SLC28A3: variants seen among roughly 807,000 people sequenced by gnomAD.
SLC28A3 encodes the protein concentrative Na(+)-nucleoside cotransporter 3.
SLC28A3 carries 68 observed loss-of-function variants against 84.2 expected under a neutral mutation model. The ratio of observed to expected loss-of-function variants is 0.81; its 90% CI spans 0.66 to 0.99. The LOEUF is 0.99. Ranked by LOEUF, SLC28A3 falls within the 50% of genes least tolerant of loss-of-function variation. The pLI, the probability that SLC28A3 is intolerant of heterozygous loss-of-function variation, is 0.00. For missense variants in SLC28A3, 712 were observed against 841.5 expected (o/e 0.85, Z 1.90); for synonymous variants, 267 against 303.6 (o/e 0.88, Z 1.25).
intron 1 of SLC28A3, among the ~76,000 whole-genome samples, chr9:84,321,624 C>G (rs183628939): frequency 7.3e-5 from 11 of 150,234 alleles, no homozygotes; most frequent in Admixed American, 6.0e-4. Flanking sequence ...GTCCCAGCTA[C>G]TCAGGAGGCT....
At chr9:84,298,112 C>T in intron 6 of SLC28A3, 93 bp from the exon 7 acceptor site, 1 of 1,043,498 alleles carries the variant, frequency 9.6e-7, no homozygotes, top group Non-Finnish European at 1.4e-6. Flanking sequence ...CTTGAACACA[C>T]TATCAGATGT....
At chr9:84,364,676 C>T in the SLC28A3 span, among the ~76,000 whole-genome samples, 1 of 151,994 alleles carries the variant, frequency 6.6e-6, no homozygotes, top group Admixed American at 6.6e-5. Context: ...CCCCCACTAC[C>T]CTCCCCAGCC....
chr9:84,332,315 T>C (rs969527298), intron 1 of SLC28A3, among the ~76,000 whole-genome samples: 17 of 152,140 alleles, frequency 1.1e-4, no homozygotes, highest in African/African-American at 4.1e-4. Flanking sequence ...TCATCTGTCA[T>C]ATCAAGAAAT....
At chr9:84,310,354 T>G in intron 2 of SLC28A3, 1 of 961,022 alleles carries the variant, frequency 1.0e-6, no homozygotes, top group Non-Finnish European at 1.2e-6. Flanking sequence ...TAGGTACAGT[T>G]TGAGCTCTCA....
At chr9:84,301,010 C>T (rs921156983) in intron 5 of SLC28A3, among the ~76,000 whole-genome samples, 1 of 151,966 alleles carries the variant, frequency 6.6e-6, no homozygotes, top group African/African-American at 2.4e-5. Context: ...ATCTCATATA[C>T]CCCGTAAATA....
chr9:84,296,325 G>A (rs1825414521), intron 8 of SLC28A3, among the ~76,000 whole-genome samples: 1 of 152,132 alleles, frequency 6.6e-6, no homozygotes, highest in Non-Finnish European at 1.5e-5. Context: ...AAACAGCAGA[G>A]GTTCTCTTCT....
the SLC28A3 span, among the ~76,000 whole-genome samples, chr9:84,358,686 A>C: frequency 1.3e-5 from 2 of 152,218 alleles, no homozygotes; most frequent in Non-Finnish European, 2.9e-5. Context: ...CTATGCAGAA[A>C]ACTATACAAG....
At chr9:84,308,857 T>C (rs1825887112) in intron 3 of SLC28A3, among the ~76,000 whole-genome samples, 1 of 152,172 alleles carries the variant, frequency 6.6e-6, no homozygotes, top group African/African-American at 2.4e-5. Context: ...AAGATACTAA[T>C]CTTGCGTCTC....
At chr9:84,319,200 C>A (rs550237005) in intron 1 of SLC28A3, among the ~76,000 whole-genome samples, 4 of 152,238 alleles carry the variant, frequency 2.6e-5, no homozygotes, top group African/African-American at 9.6e-5. Context: ...TAGTTTATTA[C>A]TCACTGAAAT....
intron 12 of SLC28A3, among the ~76,000 whole-genome samples, chr9:84,287,841 A>G (rs1288133617): frequency 6.6e-6 from 1 of 152,226 alleles, no homozygotes; most frequent in Non-Finnish European, 1.5e-5. Context: ...GTGACAGAGC[A>G]ACTTTAAAAA....
chr9:84,354,499 C>T, the SLC28A3 span, among the ~76,000 whole-genome samples: 7 of 152,338 alleles, frequency 4.6e-5, no homozygotes, highest in South Asian at 6.2e-4. Flanking sequence ...TGTTTATAAT[C>T]GATTGAAACA....
chr9:84,346,811 G>A, the SLC28A3 span, among the ~76,000 whole-genome samples: 1 of 152,118 alleles, frequency 6.6e-6, no homozygotes, highest in Non-Finnish European at 1.5e-5. Flanking sequence ...ACTGGCCATA[G>A]AATCTGCCAC....
chr9:84,323,769 C>G (rs1826459308), intron 1 of SLC28A3, among the ~76,000 whole-genome samples: 1 of 151,750 alleles, frequency 6.6e-6, no homozygotes, highest in African/African-American at 2.4e-5. Context: ...TTTTTAACAC[C>G]CCTCATCTAT....
intron 1 of SLC28A3, among the ~76,000 whole-genome samples, chr9:84,332,723 C>T (rs766630629): frequency 6.6e-6 from 1 of 151,868 alleles, no homozygotes; most frequent in Non-Finnish European, 1.5e-5. Context: ...AAGAGTTACA[C>T]TTGTTCGAAA....
chr9:84,304,191 G>C (rs557918934), intron 4 of SLC28A3, among the ~76,000 whole-genome samples: 74 of 152,346 alleles, frequency 4.9e-4, no homozygotes, highest in African/African-American at 1.6e-3. Context: ...TACTACAGTG[G>C]CAGAATGGCA....
intron 11 of SLC28A3, chr9:84,289,923 C>T: frequency 5.8e-6 from 2 of 344,124 alleles, no homozygotes; most frequent in African/African-American, 2.1e-5. Context: ...TTGCATTTTT[C>T]TGTTTTTATT....
intron 1 of SLC28A3, among the ~76,000 whole-genome samples, chr9:84,335,390 TAAA>T (rs1461467784): frequency 6.6e-6 from 1 of 151,920 alleles, no homozygotes; most frequent in Non-Finnish European, 1.5e-5. Context: ...ATATAAAAAA[TAAA>T]AAAACTTAGC....
rs1252437904 is a variant in SLC28A3, at chr9:84,283,376, A to C, written c.1647+1969T>G. ...TCTATCTCTGATAGTGAAAAAACAG[A>C]TAACTGCTTATCAGCATGGGACTGG... is the stretch of plus-strand genomic sequence containing the variant. On this transcript the variant is annotated intron_variant, in intron 14 of 17. Coordinates refer to ENST00000376238, the MANE Select transcript of SLC28A3 (RefSeq NM_001199633.2). Among the ~76,000 whole-genome samples, 3 of 152,390 alleles carry C rather than the reference A, an allele frequency of 2.0e-5. No individual in the cohort carries two copies. The South Asian group carries it at 6.2e-4, about 32-fold the overall frequency.
chr9:84,296,276 G>A (rs1437275969), intron 8 of SLC28A3, among the ~76,000 whole-genome samples: 1 of 152,160 alleles, frequency 6.6e-6, no homozygotes, highest in Non-Finnish European at 1.5e-5. Flanking sequence ...CTGGGGGAGG[G>A]TGCTAAGTGA....
Sources: allele counts gnomAD v4.1 joint callset (sites outside exome capture counted in the v4.1 genomes callset), GRCh38; gene constraint gnomAD v4.1.1; transcripts MANE v1.5; gene names NCBI Gene and HGNC (gene_info 2026-07-23, HGNC 2026-07-21).